The following PCDH9 variants were observed in gnomAD, a reference collection of about 807,000 sequenced individuals.
The protein encoded by PCDH9 is protocadherin-9.
A neutral mutation model predicts 70.6 loss-of-function variants in PCDH9; 24 were observed. The ratio of observed to expected loss-of-function variants is 0.34; its 90% CI spans 0.25 to 0.48. The LOEUF (loss-of-function observed/expected upper bound fraction) is 0.48, where lower values mean the gene tolerates loss of function less well. Among genes scored for constraint, PCDH9 ranks in the 20% least tolerant of loss-of-function variants. The probability of loss-of-function intolerance (pLI) is 0.99; values close to 1 mark genes in which losing one functional copy is unlikely to be tolerated. For missense variants in PCDH9, 1,281 were observed against 1,503.6 expected (o/e 0.85, Z 2.45); for synonymous variants, 562 against 558.5 (o/e 1.01, Z -0.09).
At chr13:67,215,911 T>G (rs2138099083) in intron 2 of PCDH9, 1 of 152,290 alleles carries the variant, frequency 6.6e-6, no homozygotes, top group Non-Finnish European at 1.5e-5. Context: ...AGGAACTTTC[T>G]TATATTCTCT....
chr13:66,333,685 T>G (rs2781779), intron 4 of PCDH9, among the ~76,000 whole-genome samples: 41,723 of 152,102 alleles, frequency 0.27, 5,898 homozygotes, highest in East Asian at 0.39. Flanking sequence ...TTATTTTTGT[T>G]GATTAGAATA....
chr13:66,757,023 G>C (rs145209587), intron 3 of PCDH9, among the ~76,000 whole-genome samples: 1 of 152,180 alleles, frequency 6.6e-6, no homozygotes, highest in East Asian at 1.9e-4. Context: ...TTTTAGTAGA[G>C]ATGGGGTTTC....
intron 2 of PCDH9, among the ~76,000 whole-genome samples, chr13:67,129,793 C>G (rs1185016729): frequency 6.6e-6 from 1 of 151,930 alleles, no homozygotes; most frequent in Non-Finnish European, 1.5e-5. Flanking sequence ...AGTACCAGGT[C>G]TGATAAAATC....
chr13:66,729,999 T>A (rs1566153193), intron 3 of PCDH9, among the ~76,000 whole-genome samples: 1 of 152,176 alleles, frequency 6.6e-6, no homozygotes, highest in Non-Finnish European at 1.5e-5. Flanking sequence ...TTAACAAAAG[T>A]TTTCTGAATG....
chr13:67,180,804 T>A (rs1050367119), intron 2 of PCDH9, among the ~76,000 whole-genome samples: 1 of 152,160 alleles, frequency 6.6e-6, no homozygotes, highest in South Asian at 2.1e-4. Flanking sequence ...TTAATTTTCT[T>A]TGGCTTGTCT....
chr13:66,639,167 A>T (rs943050274), intron 3 of PCDH9, among the ~76,000 whole-genome samples: 1 of 152,222 alleles, frequency 6.6e-6, no homozygotes, highest in Non-Finnish European at 1.5e-5. Context: ...CACTCTACTT[A>T]CTGCTCTTTT....
intron 2 of PCDH9, among the ~76,000 whole-genome samples, chr13:67,013,619 T>C (rs2084497280): frequency 6.6e-6 from 1 of 151,972 alleles, no homozygotes; most frequent in Non-Finnish European, 1.5e-5. Context: ...CATGACCACA[T>C]AACCTATTAT....
chr13:67,171,235 A>G (rs1291190048), intron 2 of PCDH9, among the ~76,000 whole-genome samples: 4 of 152,202 alleles, frequency 2.6e-5, no homozygotes, highest in Non-Finnish European at 1.5e-5. Flanking sequence ...CAAACTATTT[A>G]AAAGAAAAAG....
intron 2 of PCDH9, among the ~76,000 whole-genome samples, chr13:67,132,421 C>T (rs1594555296): frequency 6.6e-6 from 1 of 152,184 alleles, no homozygotes; most frequent in East Asian, 1.9e-4. Context: ...ATGGTTTCTC[C>T]AGCTAGAAAT....
chr13:66,433,801 A>G (rs1957818132), intron 4 of PCDH9, among the ~76,000 whole-genome samples: 1 of 151,898 alleles, frequency 6.6e-6, no homozygotes, highest in African/African-American at 2.4e-5. Context: ...TCATATTAGG[A>G]ATATATTTTT....
intron 3 of PCDH9, among the ~76,000 whole-genome samples, chr13:66,690,741 G>T (rs2078471663): frequency 6.6e-6 from 1 of 152,094 alleles, no homozygotes; most frequent in Non-Finnish European, 1.5e-5. Context: ...TCAGAAATAA[G>T]TTTCCTGGTT....
chr13:66,545,746 A>G (rs1261523949), intron 4 of PCDH9, among the ~76,000 whole-genome samples: 1 of 152,136 alleles, frequency 6.6e-6, no homozygotes, highest in African/African-American at 2.4e-5. Context: ...CTTGATAATG[A>G]TAATAATCTA....
chr13:66,991,647 C>T (rs2084005213), intron 2 of PCDH9, among the ~76,000 whole-genome samples: 1 of 151,934 alleles, frequency 6.6e-6, no homozygotes, highest in African/African-American at 2.4e-5. Flanking sequence ...GAACTCAAGT[C>T]TGAAAAATAA....
At chr13:66,554,519 G>T (rs921892740) in intron 4 of PCDH9, among the ~76,000 whole-genome samples, 1 of 151,990 alleles carries the variant, frequency 6.6e-6, no homozygotes, top group Non-Finnish European at 1.5e-5. Flanking sequence ...AATATACTAT[G>T]AAATATTTTT....
At chr13:67,023,574 G>A (rs1594404964) in intron 2 of PCDH9, among the ~76,000 whole-genome samples, 1 of 152,218 alleles carries the variant, frequency 6.6e-6, no homozygotes, top group East Asian at 1.9e-4. Context: ...CTGAGGGGAG[G>A]CAAACAGAGC....
chr13:66,868,697 C>T (rs1277433976), intron 3 of PCDH9, among the ~76,000 whole-genome samples: 1 of 151,978 alleles, frequency 6.6e-6, no homozygotes, highest in African/African-American at 2.4e-5. Context: ...CAGTAAAGTA[C>T]AATGATTAAG....
At chr13:66,646,765 G>A (rs2077776430) in intron 3 of PCDH9, among the ~76,000 whole-genome samples, 1 of 152,160 alleles carries the variant, frequency 6.6e-6, no homozygotes, top group Non-Finnish European at 1.5e-5. Flanking sequence ...ACAGGACTTG[G>A]TTTTAACTTT....
chr13:66,834,542 CA>C (rs965331260), intron 3 of PCDH9, among the ~76,000 whole-genome samples: 67 of 152,248 alleles, frequency 4.4e-4, no homozygotes, highest in African/African-American at 1.6e-3. Flanking sequence ...TAGAATCTCA[CA>C]AAAACACTAG....
At chr13:67,048,972 C>T (rs2085273583) in intron 2 of PCDH9, among the ~76,000 whole-genome samples, 1 of 152,176 alleles carries the variant, frequency 6.6e-6, no homozygotes, top group South Asian at 2.1e-4. Flanking sequence ...TTGCCATGTG[C>T]TGAAAGCCTT....
Sources: gnomAD v4.1 joint callset for allele counts (sites outside exome capture counted in the v4.1 genomes callset) on GRCh38, gnomAD v4.1.1 for gene constraint, MANE v1.5 for transcripts, NCBI Gene and HGNC (gene_info 2026-07-23, HGNC 2026-07-21) for gene names.